The following MMP2 variants were observed in gnomAD, a reference collection of about 807,000 sequenced individuals.
The protein encoded by MMP2 is 72 kDa type IV collagenase.
Under a neutral mutation model 74.8 loss-of-function variants are expected in MMP2, and 39 were observed. The observed-to-expected ratio is 0.52, with a 90% CI of 0.40 to 0.68. The LOEUF is 0.68. Ranked by LOEUF, MMP2 falls within the 30% of genes least tolerant of loss-of-function variation. The probability of loss-of-function intolerance (pLI) is 0.00; values close to 1 mark genes in which losing one functional copy is unlikely to be tolerated. For missense variants in MMP2, 803 were observed against 878.3 expected, an observed-to-expected ratio of 0.91 and a Z score of 1.08; for synonymous variants, 367 against 339.8, an observed-to-expected ratio of 1.08 and a Z score of -0.88.
At chr16:55,494,576 A>G (rs1298754620) in intron 9 of MMP2, among the ~76,000 whole-genome samples, 3 of 152,202 alleles carry the variant, frequency 2.0e-5, no homozygotes, top group South Asian at 2.1e-4. Flanking sequence ...TAACAGAACC[A>G]TCTAGAGTGT....
rs1251413565 is a variant in MMP2 at position 55,479,519 on chromosome 16, C to CT, written c.41dup (p.Arg15GlufsTer74). On this transcript the variant is annotated frameshift_variant, in exon 1 of 13. Transcript: ENST00000219070. LOFTEE classifies it high-confidence loss of function. ...GGCCCGGGGCGCGCTCACGGGTCCC[C>CT]TGAGGGCGCTCTGTCTCCTGGGCTG... The CT allele has an allele frequency of 6.2e-7, 1 of 1,604,818 alleles. No individual in the cohort carries two copies. Among genetic ancestry groups the CT allele is most frequent in the East Asian group, 2.3e-5 (1 of 44,430 alleles).
At chr16:55,484,202 AT>A in intron 3 of MMP2, 38 bp downstream of exon 3, 1 of 1,607,804 alleles carries the variant, frequency 6.2e-7, no homozygotes, top group Admixed American at 1.7e-5. Flanking sequence ...GCCAGCAGGG[AT>A]CAGTGTTGAG....
At chr16:55,499,883 C>CCTT (rs1435261864) in intron 11 of MMP2, among the ~76,000 whole-genome samples, 10 of 152,174 alleles carry the variant, frequency 6.6e-5, no homozygotes, top group Admixed American at 1.3e-4. Flanking sequence ...TCCCCACATT[C>CCTT]CTTCCATGGC....
Position 55,482,318 on chromosome 16 carries a change from C to A in MMP2, c.154-591C>A, listed in dbSNP as rs111736025. On this transcript the variant is annotated intron_variant, in intron 1 of 12. Transcript: ENST00000219070. ...GCAAATGGCTGATTCAGGATTTAAA[C>A]CCAGGTCTGTCTACTGCCAGAGCCC... 3.7e-3 allele frequency among the ~76,000 whole-genome samples: 559 copies of A among 152,266 alleles called. 3 individuals are homozygous for A. Among genetic ancestry groups the A allele is most frequent in the African/African-American group, 0.013 (540 of 41,552 alleles).
At chr16:55,484,220 G>T (rs1962183305) in intron 3 of MMP2, 56 bp downstream of exon 3, 1 of 1,585,442 alleles carries the variant, frequency 6.3e-7, no homozygotes, top group Middle Eastern at 1.8e-4. Flanking sequence ...TGAGACGAGG[G>T]GGTGAGATGG....
At chr16:55,497,516 C>G (rs1440807472) in intron 10 of MMP2, among the ~76,000 whole-genome samples, 1 of 152,218 alleles carries the variant, frequency 6.6e-6, no homozygotes, top group African/African-American at 2.4e-5. Flanking sequence ...AGTTTCAAAT[C>G]AGGACAGAAA....
chr16:55,491,842 G>C lies in MMP2; in HGVS notation c.1222G>C (p.Ala408Pro), dbSNP rs746860302. Residue 408 changes from alanine to proline, a missense_variant, in exon 8 of 13, where the codon GCC becomes CCC. Physicochemically the swap from Ala to Pro is conservative, Grantham distance 27 (BLOSUM62 -1). Transcript: ENST00000219070. ...CGTGGCAGCCCACGAGTTTGGCCAC[G>C]CCATGGGGCTGGAGCACTCCCAAGA... ...FLVAAHEFGH[A>P]MGLEHSQDPG... 1 of 1,614,168 alleles carries C rather than the reference G, an allele frequency of 6.2e-7. No homozygotes were observed.
intron 1 of MMP2, chr16:55,480,118 C>T (rs780655997): frequency 1.5e-4 from 23 of 157,404 alleles, no homozygotes; most frequent in Admixed American, 2.5e-4. Context: ...GGGAACGGTG[C>T]TCTGGCACAC....
intron 5 of MMP2, 137 bp downstream of exon 5, chr16:55,485,914 A>G: frequency 1.2e-6 from 1 of 863,508 alleles, no homozygotes; most frequent in South Asian, 1.5e-5. Flanking sequence ...AACGTCCTTC[A>G]CTCAGTTCCC....
At chr16:55,497,731 G>A (rs939034617) in intron 10 of MMP2, among the ~76,000 whole-genome samples, 4 of 152,184 alleles carry the variant, frequency 2.6e-5, no homozygotes, top group African/African-American at 7.2e-5. Context: ...ATTTCCATGC[G>A]CTGGGCTTTG....
At chr16:55,498,163 T>C in intron 10 of MMP2, 126 bp from the exon 11 acceptor site, 1 of 1,233,220 alleles carries the variant, frequency 8.1e-7, no homozygotes, top group East Asian at 2.3e-5. Flanking sequence ...CAACCAGGAG[T>C]GAGCAGGAAG....
intron 7 of MMP2, among the ~76,000 whole-genome samples, chr16:55,490,755 G>C (rs1312042170): frequency 1.3e-5 from 2 of 152,158 alleles, no homozygotes; most frequent in African/African-American, 4.8e-5. Flanking sequence ...CTTATCCCCT[G>C]CTAAATTCCT....
At chr16:55,502,748 C>T (rs370151446) in intron 11 of MMP2, 31 bp from the exon 12 acceptor site, 143 of 1,590,616 alleles carry the variant, frequency 9.0e-5, no homozygotes, top group Non-Finnish European at 1.1e-4. Flanking sequence ...TAGAGAGGCC[C>T]TGCTGGTTCA....
chr16:55,499,520 T>C (rs1373578938), intron 11 of MMP2, among the ~76,000 whole-genome samples: 3 of 152,140 alleles, frequency 2.0e-5, no homozygotes, highest in Non-Finnish European at 4.4e-5. Context: ...TGGAAGCAGA[T>C]GGTTCTGTGC....
chr16:55,489,341 TG>T (rs1309972459), intron 6 of MMP2, among the ~76,000 whole-genome samples: 1 of 152,202 alleles, frequency 6.6e-6, no homozygotes, highest in Non-Finnish European at 1.5e-5. Flanking sequence ...CCCCCTTCCA[TG>T]GGAGGCTCAT....
intron 11 of MMP2, among the ~76,000 whole-genome samples, chr16:55,500,357 C>T (rs1342692972): frequency 1.3e-5 from 2 of 152,170 alleles, no homozygotes; most frequent in Non-Finnish European, 2.9e-5. Flanking sequence ...TCTTAGAATC[C>T]TAAAGCCCTG....
rs556985507 is a variant in MMP2 at position 55,479,469 on chromosome 16, G to T, written c.-11G>T. ...ACCCCCGGGCGACGCGCGGGGCCAGGGAGCGCTACGATGGAGGCGCTAATG... is the reference window on the plus strand; with the variant it reads ...ACCCCCGGGCGACGCGCGGGGCCAGTGAGCGCTACGATGGAGGCGCTAATG... On this transcript the variant is annotated 5_prime_UTR_variant, in exon 1 of 13. Coordinates refer to ENST00000219070, the MANE Select transcript of MMP2 (RefSeq NM_004530.6). 7.1e-6 allele frequency: 11 copies of T among 1,540,334 alleles called. No individual in the cohort carries two copies. The South Asian group carries it at 1.2e-4, about 17-fold the overall frequency.
In MMP2 at chr16:55,483,951, A is replaced by G. The variant is rs1211375226; in HGVS notation, c.381-65A>G. 4.5e-6 allele frequency: 7 copies of G among 1,550,654 alleles called. No homozygotes were observed. The African/African-American group carries it at 5.4e-5, about 12-fold the overall frequency. Reference sequence around the variant, plus strand: ...TTTTCATACATCTGTGCACACACACATACTTGCATATACATACACTTATGC... The same window carrying G: ...TTTTCATACATCTGTGCACACACACGTACTTGCATATACATACACTTATGC... On this transcript the variant is annotated intron_variant, in intron 2 of 12. Transcript: ENST00000219070.
At position 55,489,681 on chromosome 16, in the gene MMP2, G is replaced by T; in HGVS notation, c.1037G>T (p.Gly346Val). The T allele has an allele frequency of 1.2e-6, 2 of 1,614,140 alleles. No individual in the cohort carries two copies. Among genetic ancestry groups the T allele is most frequent in the Non-Finnish European group, 1.7e-6 (2 of 1,180,036 alleles). ...TCCACTGTTGGTGGGAACTCAGAAG[G>T]TGCCCCCTGTGTCTTCCCCTTCACT... ...AMSTVGGNSE[G>V]APCVFPFTFL... The change falls in exon 7 of 13, where the codon GGT becomes GTT. Residue 346 changes from glycine (G) to valine (V), a missense_variant. This residue lies in a region of MMP2 where 555 missense variants were observed against 592.0 expected (regional missense o/e 0.94). Transcript: ENST00000219070.
Sources: gnomAD v4.1 joint callset for allele counts (sites outside exome capture counted in the v4.1 genomes callset) on GRCh38, gnomAD v4.1.1 for gene constraint, gnomAD v4.1.1 regional missense constraint, MANE v1.5 for transcripts, NCBI Gene and HGNC (gene_info 2026-07-23, HGNC 2026-07-21) for gene names.